The following COL1A2 variants were observed in gnomAD, a reference collection of about 807,000 sequenced individuals.
COL1A2 encodes the protein collagen type I alpha 2 chain, also known as collagen alpha-2(I) chain.
In COL1A2, 49 loss-of-function variants were observed where a neutral mutation model predicts 174.3. The observed-to-expected ratio is 0.28, with a 90% CI of 0.22 to 0.36. The LOEUF (loss-of-function observed/expected upper bound fraction) is 0.36. Among genes scored for constraint, COL1A2 ranks in the 10% least tolerant of loss-of-function variants. The probability of loss-of-function intolerance (pLI) is 1.00; values close to 1 mark genes in which losing one functional copy is unlikely to be tolerated. For synonymous variants in COL1A2, 655 were observed against 606.6 expected (o/e 1.08, Z -1.17); for missense variants, 1,438 against 1,822.7 (o/e 0.79, Z 3.84).
rs760260434 is a variant in COL1A2, at chr7:94,426,411, G to A, written c.2998-12G>A. The A allele has an allele frequency of 2.5e-6, 4 of 1,579,008 alleles. No homozygotes were observed. Among genetic ancestry groups the A allele is most frequent in the Non-Finnish European group, 3.4e-6 (4 of 1,161,392 alleles). ...AACGGTAAGTCTTATCCATCCTTCT[G>A]TTTCTTTATAGGGCCCACAAGGCAT... On this transcript the variant is annotated splice_polypyrimidine_tract_variant and intron_variant, in intron 45 of 51. Transcript: ENST00000297268.
chr7:94,417,960 C>G (rs1792076976), intron 32 of COL1A2, 129 bp downstream of exon 32: 2 of 763,902 alleles, frequency 2.6e-6, no homozygotes, highest in African/African-American at 3.5e-5. Context: ...TATACATTTC[C>G]CTCTGCCACC....
At position 94,427,803 on chromosome 7, in the gene COL1A2, C is replaced by A. The variant is rs143201262; in HGVS notation, c.3444C>A (p.Thr1148=). 6.2e-7 allele frequency: 1 copy of A among 1,614,054 alleles called. No individual in the cohort carries two copies. Among genetic ancestry groups the A allele is most frequent in the African/African-American group, 1.3e-5 (1 of 75,018 alleles). ...AGTCTCTCAACAACCAGATTGAGAC[C>A]CTTCTTACTCCTGAAGGCTCTAGAA... ...TLKSLNNQIE[T]LLTPEGSRKN... Residue 1148 remains threonine, a synonymous_variant, in exon 49 of 52, where the codon ACC becomes ACA. Transcript: ENST00000297268.
chr7:94,424,827 C>G, intron 41 of COL1A2: 1 of 487,400 alleles, frequency 2.1e-6, no homozygotes, highest in Non-Finnish European at 3.7e-6. Context: ...ACCATCTCAT[C>G]TCCATAAAAT....
At chr7:94,405,483 T>G (rs1791776387) in intron 10 of COL1A2, among the ~76,000 whole-genome samples, 190 bp from the exon 11 acceptor site, 1 of 152,232 alleles carries the variant, frequency 6.6e-6, no homozygotes. Flanking sequence ...TAAATTGTGT[T>G]TTCTACAAAT....
At chr7:94,422,122 T>C in intron 39 of COL1A2, 170 bp downstream of exon 39, 1 of 550,026 alleles carries the variant, frequency 1.8e-6, no homozygotes, top group Non-Finnish European at 3.2e-6. Flanking sequence ...TCACAAGTTA[T>C]ATTTTATAAT....
chr7:94,405,119 T>C, intron 9 of COL1A2, 80 bp from the exon 10 acceptor site: 1 of 1,464,496 alleles, frequency 6.8e-7, no homozygotes, highest in East Asian at 2.3e-5. Flanking sequence ...CTTTCTCCCC[T>C]TTTGTAAAAA....
intron 6 of COL1A2, among the ~76,000 whole-genome samples, 181 bp downstream of exon 6, chr7:94,401,801 T>C (rs888632885): frequency 6.6e-6 from 1 of 152,082 alleles, no homozygotes; most frequent in African/African-American, 2.4e-5. Context: ...CACTTTTCTT[T>C]ACAAAAGAAA....
In COL1A2 at chr7:94,415,043, T is replaced by C. The variant is rs540024157; in HGVS notation, c.1720-183T>C. ...GGGATGGATACATTTTTGTCACCAA[T>C]AAAATTCTCTCTTTCTGTATCTTTC... is the stretch of plus-strand genomic sequence containing the variant. On this transcript the variant is annotated intron_variant, in intron 29 of 51. Coordinates refer to ENST00000297268, the MANE Select transcript of COL1A2 (RefSeq NM_000089.4). Among the ~76,000 whole-genome samples the C allele has an allele frequency of 8.5e-5, 13 of 152,344 alleles. No individual in the cohort carries two copies. In the South Asian group the frequency reaches 2.7e-3, roughly 32 times the overall value.
chr7:94,424,077 G>A (rs187797658), intron 40 of COL1A2: 1 of 448,234 alleles, frequency 2.2e-6, no homozygotes, highest in East Asian at 4.5e-5. Flanking sequence ...ACCACCCCAA[G>A]TGTCTTTATA....
In COL1A2 at chr7:94,404,735, C is replaced by A. The variant is rs774383359; in HGVS notation, c.367C>A (p.Pro123Thr). The A allele has an allele frequency of 1.9e-6, 3 of 1,614,064 alleles. No individual in the cohort carries two copies. Among genetic ancestry groups the A allele is most frequent in the South Asian group, 2.2e-5 (2 of 91,070 alleles). Reference sequence around the variant, plus strand: ...AGGACCTGCTGGTGAGCCTGGTGAACCTGGTCAAACTGTGAGTACATTTTT... The same window carrying A: ...AGGACCTGCTGGTGAGCCTGGTGAAACTGGTCAAACTGTGAGTACATTTTT... ...FQGPAGEPGE[P>T]GQTGPAGARG... is the part of the protein sequence containing the mutation. Residue 123 changes from proline to threonine, a missense_variant, in exon 8 of 52, where the codon CCT (proline) becomes ACT (threonine). Physicochemically the swap from Pro to Thr is conservative, Grantham distance 38 (BLOSUM62 -1). Transcript: ENST00000297268.
intron 25 of COL1A2, 127 bp downstream of exon 25, chr7:94,412,809 G>A: frequency 1.2e-6 from 1 of 850,724 alleles, no homozygotes; most frequent in Non-Finnish European, 2.0e-6. Flanking sequence ...GAAAACTGCA[G>A]GCCACTTATC....
intron 34 of COL1A2, among the ~76,000 whole-genome samples, chr7:94,420,016 A>G (rs1297430336): frequency 6.6e-6 from 1 of 152,220 alleles, no homozygotes; most frequent in Non-Finnish European, 1.5e-5. Flanking sequence ...ACTGATTTAT[A>G]GTGTTTTCTC....
intron 42 of COL1A2, 62 bp downstream of exon 42, chr7:94,425,286 T>C: frequency 6.8e-7 from 1 of 1,459,926 alleles, no homozygotes; most frequent in Non-Finnish European, 9.6e-7. Context: ...TGAAACTTTA[T>C]GTCCTGAGCT....
chr7:94,428,008 C>T lies in COL1A2; in HGVS notation c.3526+123C>T, dbSNP rs1584331639. ...AAGATTACATTATGTGAAATCACACCCAATTAATGGAGCGTCATCTTCTCC... is the reference window on the plus strand; with the variant it reads ...AAGATTACATTATGTGAAATCACACTCAATTAATGGAGCGTCATCTTCTCC... On this transcript the variant is annotated intron_variant, in intron 49 of 51. Transcript: ENST00000297268. 2.7e-6 allele frequency: 3 copies of T among 1,098,504 alleles called. No homozygotes were observed. In the East Asian group the frequency reaches 7.7e-5, roughly 28 times the overall value. The allele number at this position is 1,098,504 out of a possible 1,614,324, so 68.0% of individuals were successfully genotyped here. A position where few individuals can be genotyped will look rare whatever the true frequency, so the allele number is the denominator to read the frequency against.
chr7:94,406,208 A>G (rs1288912728), intron 11 of COL1A2, 42 bp from the exon 12 acceptor site: 2 of 1,593,970 alleles, frequency 1.3e-6, no homozygotes, highest in South Asian at 1.1e-5. Flanking sequence ...TTGACCAAAC[A>G]CTATCATGGA....
In COL1A2 at chr7:94,406,231, A is replaced by C; in HGVS notation, c.541-19A>C. The C allele has an allele frequency of 6.2e-7, 1 of 1,613,012 alleles. No homozygotes were observed. The highest frequency in any genetic ancestry group is 2.2e-5 in the East Asian group (1 of 44,848). ...ACACTATCATGGAACAGCATTTTAT[A>C]ATAAGGCTTTCCTTTCAGGGACACA... On this transcript the variant is annotated intron_variant, in intron 11 of 51. Coordinates refer to ENST00000297268, the MANE Select transcript of COL1A2 (RefSeq NM_000089.4).
chr7:94,431,023 A>G lies in COL1A2; in HGVS notation c.*630A>G, dbSNP rs1171799002. ...ATATTTTCCATCTTATTCCCAATTA[A>G]AAGTATGCAGATTATTTGCCCAAAT... is the stretch of plus-strand genomic sequence containing the variant. On this transcript the variant is annotated 3_prime_UTR_variant, in exon 52 of 52. Coordinates refer to ENST00000297268, the MANE Select transcript of COL1A2 (RefSeq NM_000089.4). 2 of 138,192 alleles carry G rather than the reference A, an allele frequency of 1.4e-5. No individual in the cohort carries two copies. Among genetic ancestry groups the G allele is most frequent in the Non-Finnish European group, 3.1e-5 (2 of 65,380 alleles). 8.6% of individuals were successfully genotyped at this position (138,192 alleles called of 1,614,324 possible).
In COL1A2 at chr7:94,415,216, T is replaced by C. The variant is rs1462684126; in HGVS notation, c.1720-10T>C. 6.2e-7 allele frequency: 1 copy of C among 1,612,794 alleles called. No homozygotes were observed. On this transcript the variant is annotated splice_polypyrimidine_tract_variant and intron_variant, in intron 29 of 51. Transcript: ENST00000297268. ...ACAGATTTCATGCTTTATTCTCATG[T>C]TTTGTCTAGGGTCTCCATGGTGAGT...
intron 46 of COL1A2, 59 bp downstream of exon 46, chr7:94,426,589 GGATTTTC>G (rs746775385): frequency 6.1e-5 from 79 of 1,302,004 alleles, no homozygotes; most frequent in Non-Finnish European, 7.6e-5. Flanking sequence ...CAGCTCAGAA[GGATTTTC>G]ATATTTTCAC....
Sources: gnomAD v4.1 joint callset for allele counts (sites outside exome capture counted in the v4.1 genomes callset) on GRCh38, gnomAD v4.1.1 for gene constraint, MANE v1.5 for transcripts, NCBI Gene and HGNC (gene_info 2026-07-23, HGNC 2026-07-21) for gene names.